Variants in DPPA4 observed in about 807,000 individuals in gnomAD.
DPPA4 encodes developmental pluripotency associated 4.
DPPA4 carries 22 observed loss-of-function variants against 33.7 expected under a neutral mutation model. The ratio of observed to expected loss-of-function variants is 0.65; its 90% CI spans 0.47 to 0.93. DPPA4 has a LOEUF of 0.93. Among genes scored for constraint, DPPA4 ranks in the 40% least tolerant of loss-of-function variants. The pLI is 0.00. For missense variants in DPPA4, 340 were observed against 358.6 expected, an observed-to-expected ratio of 0.95 and a Z score of 0.42; for synonymous variants, 156 against 132.3, an observed-to-expected ratio of 1.18 and a Z score of -1.23.
rs1707972119 is a variant in DPPA4, at chr3:109,327,874, T to C, written c.*114A>G. 1 of 768,316 alleles carries C rather than the reference T, an allele frequency of 1.3e-6. No individual in the cohort carries two copies. 47.6% of individuals were successfully genotyped at this position (768,316 alleles called of 1,614,324 possible). Reference sequence around the variant, plus strand: ...ACATCTGCCACCCCACCAGTCTGCATGGCCCATAAACAGGTGCAGAGGACC... The same window carrying C: ...ACATCTGCCACCCCACCAGTCTGCACGGCCCATAAACAGGTGCAGAGGACC... On this transcript the variant is annotated 3_prime_UTR_variant, in exon 7 of 7. Transcript: ENST00000335658.
At chr3:109,331,390 G>A (rs531225716) in intron 4 of DPPA4, among the ~76,000 whole-genome samples, 8 of 150,750 alleles carry the variant, frequency 5.3e-5, no homozygotes, top group South Asian at 4.2e-4. Context: ...TTGGGAGGCC[G>A]AAGTGGGTGG....
chr3:109,327,923 G>A lies in DPPA4; in HGVS notation c.*65C>T, dbSNP rs543283305. On this transcript the variant is annotated 3_prime_UTR_variant, in exon 7 of 7. Transcript: ENST00000335658. ...CCAGAGTTCACCTGTCAGCAGCACC[G>A]CAGAATCCAACTCTCCAGCTTTTCT... 22 of 1,195,414 alleles carry A rather than the reference G, an allele frequency of 1.8e-5. No homozygotes were observed. The highest frequency in any genetic ancestry group is 7.4e-5 in the South Asian group (6 of 81,318). 74.1% of individuals were successfully genotyped at this position (1,195,414 alleles called of 1,614,324 possible). A position where few individuals can be genotyped will look rare whatever the true frequency, so the allele number is the denominator to read the frequency against.
At chr3:109,331,452 G>A (rs1233950255) in intron 4 of DPPA4, among the ~76,000 whole-genome samples, 3 of 146,990 alleles carry the variant, frequency 2.0e-5, no homozygotes, top group African/African-American at 7.5e-5. Context: ...GCTGAGGCAG[G>A]AGAATTGCTT....
intron 5 of DPPA4, chr3:109,329,303 A>ATAC: frequency 1.9e-6 from 1 of 513,390 alleles, no homozygotes; most frequent in South Asian, 2.4e-5. Context: ...TGGGAGGCCG[A>ATAC]GGCGGGTGGA....
At chr3:109,329,729 T>C (rs1363689654) in intron 5 of DPPA4, 2 of 152,596 alleles carry the variant, frequency 1.3e-5, no homozygotes, top group Non-Finnish European at 2.9e-5. Flanking sequence ...TTGTCTTCTT[T>C]TGTTGTACTT....
intron 4 of DPPA4, among the ~76,000 whole-genome samples, chr3:109,331,280 A>G (rs900023129): frequency 8.8e-5 from 13 of 147,244 alleles, no homozygotes; most frequent in Admixed American, 7.5e-4. Context: ...AAAAAAAAAA[A>G]AAAAGAAAGA....
intron 6 of DPPA4, among the ~76,000 whole-genome samples, chr3:109,328,498 CCTTAA>C (rs377479022): frequency 1.3e-3 from 201 of 152,268 alleles, no homozygotes; most frequent in African/African-American, 4.5e-3. Context: ...TCGATTCTTC[CCTTAA>C]CTTAAGGAAC....
chr3:109,330,766 T>A lies in DPPA4; in HGVS notation c.437A>T (p.Gln146Leu). 1 of 1,613,632 alleles carries A rather than the reference T, an allele frequency of 6.2e-7. No homozygotes were observed. The highest frequency in any genetic ancestry group is 8.5e-7 in the Non-Finnish European group (1 of 1,179,896). The change falls in exon 5 of 7, where the codon CAA becomes CTA. Residue 146 changes from glutamine (Q) to leucine (L), a missense_variant. Around this residue, in one of 3 missense-constraint regions of DPPA4, gnomAD observed 212 missense variants for 206.5 expected, o/e 1.03. Coordinates refer to ENST00000335658, the MANE Select transcript of DPPA4 (RefSeq NM_018189.4). ...CCCCTTTTCCACCTTTAATTTTTTT[T>A]GCAATGATTTCCGGATTTTGGCCTC... Reference protein sequence around the residue: ...AKEAKIRKSLQKKLKVEKGET... With the variant: ...AKEAKIRKSLLKKLKVEKGET...
chr3:109,335,940 G>A (rs1009594765), intron 1 of DPPA4, among the ~76,000 whole-genome samples: 1 of 151,518 alleles, frequency 6.6e-6, no homozygotes, highest in Non-Finnish European at 1.5e-5. Flanking sequence ...ACCGATTGAG[G>A]TCAGGAGTTC....
intron 2 of DPPA4, chr3:109,332,248 C>G (rs549138829): frequency 6.1e-6 from 2 of 329,736 alleles, no homozygotes; most frequent in East Asian, 1.0e-4. Context: ...ATTACAGACG[C>G]CCACCACCAC....
rs1020419955 is a variant in DPPA4, at chr3:109,330,935, G to A, written c.391-123C>T. ...GAGGACTAGGTTCAAGAGATCTATT[G>A]TACAAGTTGGTAACTATACATAGTT... On this transcript the variant is annotated intron_variant, in intron 4 of 6. Transcript: ENST00000335658. 3 of 913,406 alleles carry A rather than the reference G, an allele frequency of 3.3e-6. No homozygotes were observed. The African/African-American group carries it at 5.1e-5, about 15-fold the overall frequency. The allele number at this position is 913,406 out of a possible 1,614,324, so 56.6% of individuals were successfully genotyped here.
chr3:109,328,013 A>G lies in DPPA4; in HGVS notation c.890T>C (p.Leu297Ser). 6.5e-7 allele frequency: 1 copy of G among 1,538,958 alleles called. No homozygotes were observed. Among genetic ancestry groups the G allele is most frequent in the Non-Finnish European group, 9.0e-7 (1 of 1,112,482 alleles). ...CTATTCCCATTGGAGGCTTTTTATT[A>G]AGACCTTGTTCCTATAAAGCAAATA... ...CPKCVHRNKVLIKSLQWE is the reference protein window; with the variant it reads ...CPKCVHRNKVSIKSLQWE Residue 297 changes from leucine to serine, a missense_variant, in exon 7 of 7, where the codon TTA (leucine) becomes TCA (serine). Leu to Ser is a moderately radical substitution (Grantham distance 145, BLOSUM62 -2). Transcript: ENST00000335658.
intron 4 of DPPA4, among the ~76,000 whole-genome samples, chr3:109,331,320 A>T (rs968412189): frequency 6.8e-6 from 1 of 146,896 alleles, no homozygotes; most frequent in African/African-American, 2.5e-5. Context: ...AAAAGAAAAA[A>T]ATAGAAAAAA....
chr3:109,337,333 A>G, intron 1 of DPPA4, 131 bp downstream of exon 1: 1 of 670,000 alleles, frequency 1.5e-6, no homozygotes, highest in East Asian at 2.8e-5. Context: ...TCTTAAAATA[A>G]AAAAAAAAAA....
intron 1 of DPPA4, 45 bp from the exon 2 acceptor site, chr3:109,334,038 CCA>C (rs1300397673): frequency 1.2e-6 from 2 of 1,608,424 alleles, no homozygotes; most frequent in East Asian, 4.5e-5. Context: ...AGTGTCCAAA[CCA>C]CACATACACT....
chr3:109,328,092 G>A (rs1707976488), intron 6 of DPPA4, 68 bp from the exon 7 acceptor site: 20 of 1,021,918 alleles, frequency 2.0e-5, no homozygotes, highest in East Asian at 4.8e-5. Flanking sequence ...CAAGAAACCC[G>A]CTGCTGGAAT....
intron 5 of DPPA4, 189 bp downstream of exon 5, chr3:109,330,333 GAA>G (rs5851663): frequency 0.031 from 12,352 of 400,654 alleles, 773 homozygotes; most frequent in African/African-American, 0.17. Flanking sequence ...AAAAAAAAAG[GAA>G]AAAAAAAAAA....
intron 1 of DPPA4, among the ~76,000 whole-genome samples, chr3:109,335,377 T>C (rs1005527651): frequency 1.3e-5 from 2 of 152,168 alleles, no homozygotes; most frequent in Non-Finnish European, 2.9e-5. Flanking sequence ...CTTCCCGCCT[T>C]GGCTCCCCAA....
rs555530242 is a variant in DPPA4, at chr3:109,327,254, T to C, written c.*734A>G. 1.3e-5 allele frequency: 2 copies of C among 152,228 alleles called. No individual in the cohort carries two copies. The highest frequency in any genetic ancestry group is 4.1e-4 in the South Asian group (2 of 4,824). 9.4% of individuals were successfully genotyped at this position (152,228 alleles called of 1,614,324 possible). ...TTAAAATACTTTACGTTTTATGAAA[T>C]TGCAATTGGAATGAAGCAGCTCCTA... is the stretch of plus-strand genomic sequence containing the variant. On this transcript the variant is annotated 3_prime_UTR_variant, in exon 7 of 7. Transcript: ENST00000335658.
Sources: allele counts gnomAD v4.1 joint callset (sites outside exome capture counted in the v4.1 genomes callset), GRCh38; gene constraint gnomAD v4.1.1; regional missense constraint gnomAD v4.1.1; transcripts MANE v1.5; gene names NCBI Gene and HGNC (gene_info 2026-07-23, HGNC 2026-07-21).